B3GALT1: variants seen among roughly 807,000 people sequenced by gnomAD.
B3GALT1 encodes the protein beta-1,3-galactosyltransferase 1.
A neutral mutation model predicts 23.2 loss-of-function variants in B3GALT1; 10 were observed. The ratio of observed to expected loss-of-function variants is 0.43; its 90% CI spans 0.27 to 0.73. The LOEUF is 0.73. Ranked by LOEUF, B3GALT1 falls within the 30% of genes least tolerant of loss-of-function variation. B3GALT1 has a pLI of 0.21. For missense variants in B3GALT1, 299 were observed against 405.4 expected (o/e 0.74, Z 2.25); for synonymous variants, 156 against 141.5 (o/e 1.10, Z -0.73).
intron 1 of B3GALT1, among the ~76,000 whole-genome samples, chr2:167,353,484 G>A (rs1302766192): frequency 1.3e-5 from 2 of 151,250 alleles, no homozygotes; most frequent in African/African-American, 2.4e-5. Flanking sequence ...TGGCTGTTTC[G>A]TGACATTCAG....
At chr2:167,312,530 C>T (rs1314067632) in intron 1 of B3GALT1, among the ~76,000 whole-genome samples, 2 of 151,662 alleles carry the variant, frequency 1.3e-5, no homozygotes, top group South Asian at 2.1e-4. Context: ...ACAAAAAAAC[C>T]GAGAGAAACT....
At chr2:167,332,763 A>C (rs890700401) in intron 1 of B3GALT1, among the ~76,000 whole-genome samples, 1 of 152,206 alleles carries the variant, frequency 6.6e-6, no homozygotes, top group South Asian at 2.1e-4. Flanking sequence ...AGCCCCACTA[A>C]CAGGCCCTCT....
chr2:167,499,678 C>T (rs1451146144), intron 2 of B3GALT1, among the ~76,000 whole-genome samples: 1 of 151,864 alleles, frequency 6.6e-6, no homozygotes, highest in Non-Finnish European at 1.5e-5. Context: ...TGGATTTTTC[C>T]CCCTTCCACC....
At chr2:167,796,095 C>T (rs55879251) in intron 3 of B3GALT1, among the ~76,000 whole-genome samples, 17,126 of 152,122 alleles carry the variant, frequency 0.11, 1,320 homozygotes, top group African/African-American at 0.21. Flanking sequence ...AAAATCATTC[C>T]AGAACTTAAT....
intron 3 of B3GALT1, among the ~76,000 whole-genome samples, chr2:167,800,897 A>G (rs7576736): frequency 0.21 from 31,218 of 152,142 alleles, 3,733 homozygotes; most frequent in African/African-American, 0.31. Context: ...CAGAGTCTAG[A>G]GAAAGCATTT....
intron 2 of B3GALT1, among the ~76,000 whole-genome samples, chr2:167,538,014 G>T (rs569095453): frequency 1.3e-5 from 2 of 151,782 alleles, no homozygotes; most frequent in African/African-American, 2.4e-5. Context: ...CTAGAGTTGG[G>T]GTTACATCAT....
chr2:167,332,645 A>G (rs1301937302), intron 1 of B3GALT1, among the ~76,000 whole-genome samples: 7 of 152,240 alleles, frequency 4.6e-5, no homozygotes, highest in African/African-American at 1.7e-4. Flanking sequence ...CTCTCAGATC[A>G]GAAACCGCAG....
At chr2:167,822,234 A>C (rs1397613162) in intron 4 of B3GALT1, among the ~76,000 whole-genome samples, 1 of 152,226 alleles carries the variant, frequency 6.6e-6, no homozygotes, top group Non-Finnish European at 1.5e-5. Context: ...AAAATTTAAG[A>C]GTTCTCTAAA....
Position 167,752,537 on chromosome 2 carries a change from G to T in B3GALT1, c.-351-66135G>T, listed in dbSNP as rs560433029. Among the ~76,000 whole-genome samples the T allele has an allele frequency of 2.7e-5, 4 of 150,938 alleles. No homozygotes were observed. In the East Asian group the frequency reaches 5.9e-4, roughly 22 times the overall value. ...ATTTGTTTTTTTTTTTAAATAAACTGCAGACCTTTCCATCAGTGCAGAATA... is the reference window on the plus strand; with the variant it reads ...ATTTGTTTTTTTTTTTAAATAAACTTCAGACCTTTCCATCAGTGCAGAATA... On this transcript the variant is annotated intron_variant, in intron 3 of 4. Coordinates refer to ENST00000392690, the MANE Select transcript of B3GALT1 (RefSeq NM_020981.4).
At position 167,704,143 on chromosome 2, in the gene B3GALT1, T is replaced by C. The variant is rs143035759; in HGVS notation, c.-352+57177T>C. Among the ~76,000 whole-genome samples the C allele has an allele frequency of 2.2e-3, 294 of 133,152 alleles. 1 individual carries two copies. The highest frequency in any genetic ancestry group is 8.0e-3 in the African/African-American group (276 of 34,666). 87.4% of individuals were successfully genotyped at this position (133,152 alleles called of 152,430 possible). ...TTGCAATGAGCCGAGATCGCACCAC[T>C]GCACTCCAGACTGGGCAAAGGAGCG... On this transcript the variant is annotated intron_variant, in intron 3 of 4. Coordinates refer to ENST00000392690, the MANE Select transcript of B3GALT1 (RefSeq NM_020981.4).
chr2:167,530,228 C>G (rs1039594607), intron 2 of B3GALT1, among the ~76,000 whole-genome samples: 6 of 152,120 alleles, frequency 3.9e-5, no homozygotes, highest in African/African-American at 1.4e-4. Flanking sequence ...CCCTATTGGC[C>G]AGTGTTAACT....
chr2:167,526,139 A>G (rs1281496031), intron 2 of B3GALT1, among the ~76,000 whole-genome samples: 1 of 152,024 alleles, frequency 6.6e-6, no homozygotes, highest in Non-Finnish European at 1.5e-5. Flanking sequence ...GTTTGTTGCT[A>G]CTGGAGATTC....
At chr2:167,611,978 A>G (rs1269774538) in intron 2 of B3GALT1, among the ~76,000 whole-genome samples, 1 of 152,070 alleles carries the variant, frequency 6.6e-6, no homozygotes, top group Non-Finnish European at 1.5e-5. Context: ...GAAAAAGAGA[A>G]CAAGTGGCCT....
At chr2:167,867,065 T>TA (rs1690236382) in intron 4 of B3GALT1, among the ~76,000 whole-genome samples, 1 of 151,814 alleles carries the variant, frequency 6.6e-6, no homozygotes, top group African/African-American at 2.4e-5. Flanking sequence ...TAGCTGGGAC[T>TA]ACAGGCACCC....
At chr2:167,805,214 A>G (rs1234496661) in intron 3 of B3GALT1, among the ~76,000 whole-genome samples, 1 of 152,114 alleles carries the variant, frequency 6.6e-6, no homozygotes, top group African/African-American at 2.4e-5. Context: ...TTCATTGTAG[A>G]TTCTGGATAT....
chr2:167,829,551 T>C (rs942515650), intron 4 of B3GALT1, among the ~76,000 whole-genome samples: 1 of 151,918 alleles, frequency 6.6e-6, no homozygotes, highest in Non-Finnish European at 1.5e-5. Flanking sequence ...TAAATAAAGT[T>C]GGAGCAGGAC....
chr2:167,870,166 T>C lies in B3GALT1; in HGVS notation c.*146T>C. The C allele has an allele frequency of 1.3e-6, 1 of 785,600 alleles. No homozygotes were observed. The allele number at this position is 785,600 out of a possible 1,614,324, so 48.7% of individuals were successfully genotyped here. A position where few individuals can be genotyped will look rare whatever the true frequency, so the allele number is the denominator to read the frequency against. ...CCTGCTATAAGTTCTTTTCTTGGAT[T>C]ACCAATTTATGAATGTTAGACTCTG... On this transcript the variant is annotated 3_prime_UTR_variant, in exon 5 of 5. Transcript: ENST00000392690.
chr2:167,588,826 C>A (rs1157782276), intron 2 of B3GALT1, among the ~76,000 whole-genome samples: 1 of 141,324 alleles, frequency 7.1e-6, no homozygotes, highest in Non-Finnish European at 1.5e-5. Context: ...TTTTTCCTTC[C>A]TTCCTTCCTT....
chr2:167,838,033 AG>A (rs1211830395), intron 4 of B3GALT1, among the ~76,000 whole-genome samples: 5 of 150,008 alleles, frequency 3.3e-5, no homozygotes, highest in African/African-American at 9.7e-5. Flanking sequence ...AGCAGTGTGT[AG>A]AGGGAAATTT....
Sources: allele counts gnomAD v4.1 joint callset (sites outside exome capture counted in the v4.1 genomes callset), GRCh38; gene constraint gnomAD v4.1.1; transcripts MANE v1.5; gene names NCBI Gene and HGNC (gene_info 2026-07-23, HGNC 2026-07-21).